ZSCAN5A: variants seen among roughly 807,000 people sequenced by gnomAD.
The protein encoded by ZSCAN5A is zinc finger and SCAN domain containing 5A.
A neutral mutation model predicts 23.7 loss-of-function variants in ZSCAN5A; 12 were observed. That is an observed-to-expected ratio of 0.51 (90% confidence interval 0.32 to 0.82). ZSCAN5A has a LOEUF of 0.82. ZSCAN5A is among the 40% of genes least tolerant of loss of function. ZSCAN5A has a pLI of 0.03. For synonymous variants in ZSCAN5A, 257 were observed against 239.9 expected, an observed-to-expected ratio of 1.07 and a Z score of -0.66; for missense variants, 597 against 617.9, an observed-to-expected ratio of 0.97 and a Z score of 0.36.
In ZSCAN5A at chr19:56,221,904, G is replaced by T; in HGVS notation, c.1162C>A (p.Leu388Ile). Reference sequence around the variant, plus strand: ...AGCTGCATGAAGCGCTTCCCACAGAGATTACATTGAAAGAGTCTCTCGCCT... The same window carrying T: ...AGCTGCATGAAGCGCTTCCCACAGATATTACATTGAAAGAGTCTCTCGCCT... Reference protein sequence around the residue: ...HTGERLFQCNLCGKRFMQLIS... With the variant: ...HTGERLFQCNICGKRFMQLIS... Residue 388 changes from leucine (L) to isoleucine (I), a missense_variant, in exon 6 of 6, where the codon CTC (leucine) becomes ATC (isoleucine). Coordinates refer to ENST00000683990, the MANE Select transcript of ZSCAN5A (RefSeq NM_001322064.3). 1 of 1,614,206 alleles carries T rather than the reference G, an allele frequency of 6.2e-7. No homozygotes were observed. Among genetic ancestry groups the T allele is most frequent in the Non-Finnish European group, 8.5e-7 (1 of 1,180,024 alleles).
At chr19:56,359,976 G>C (rs755184918) in intron 2 of ZSCAN5A, among the ~76,000 whole-genome samples, 1 of 152,114 alleles carries the variant, frequency 6.6e-6, no homozygotes, top group Non-Finnish European at 1.5e-5. Flanking sequence ...CATAGTGAAT[G>C]GGCAAAAGCT....
chr19:56,349,455 G>C (rs1459676810), intron 2 of ZSCAN5A, among the ~76,000 whole-genome samples: 1 of 152,152 alleles, frequency 6.6e-6, no homozygotes, highest in African/African-American at 2.4e-5. Context: ...CCAGCACTTT[G>C]GGAGGCCGAG....
intron 2 of ZSCAN5A, among the ~76,000 whole-genome samples, chr19:56,249,008 C>T (rs2036156370): frequency 6.6e-6 from 1 of 152,130 alleles, no homozygotes; most frequent in South Asian, 2.1e-4. Context: ...GATATTTTCA[C>T]TGCCCCCCCC....
intron 2 of ZSCAN5A, among the ~76,000 whole-genome samples, chr19:56,276,875 C>T (rs953770128): frequency 6.6e-6 from 1 of 151,748 alleles, no homozygotes; most frequent in Non-Finnish European, 1.5e-5. Flanking sequence ...ATTGTAAATT[C>T]AAGGATTTTT....
chr19:56,284,230 T>C (rs2038934379), intron 2 of ZSCAN5A: 1 of 972,702 alleles, frequency 1.0e-6, no homozygotes, highest in Admixed American at 6.2e-5. Context: ...CACTTCACAA[T>C]GCCCCCAGAC....
intron 2 of ZSCAN5A, among the ~76,000 whole-genome samples, chr19:56,291,476 A>C (rs2039505776): frequency 6.6e-6 from 1 of 152,144 alleles, no homozygotes. Flanking sequence ...TTTTTTGGGA[A>C]GATCTGTTTT....
intron 2 of ZSCAN5A, among the ~76,000 whole-genome samples, chr19:56,225,611 C>T (rs895618936): frequency 2.0e-5 from 3 of 152,200 alleles, no homozygotes; most frequent in African/African-American, 7.2e-5. Context: ...AACTCCAGAA[C>T]ATTTACTTGC....
chr19:56,237,138 A>T (rs374260491), intron 2 of ZSCAN5A, among the ~76,000 whole-genome samples: 1 of 152,252 alleles, frequency 6.6e-6, no homozygotes, highest in Admixed American at 6.5e-5. Context: ...AATTGTCTTC[A>T]ATAAACCTGT....
rs112550672 is a variant in ZSCAN5A at position 56,224,995 on chromosome 19, G to A, written c.52C>T (p.Pro18Ser). The A allele has an allele frequency of 5.0e-6, 8 of 1,613,876 alleles. No individual in the cohort carries two copies. In the African/African-American group the frequency reaches 6.7e-5, roughly 13 times the overall value. ...ATAGACCGTGGCAGCTCCAACCCAG[G>A]TCTGTTGCAGGATTCTCCTAGACTC... ...SWSLGESCNR[P>S]GLELPRSMAS... Residue 18 changes from proline to serine, a missense_variant, in exon 3 of 6, where the codon CCT becomes TCT. This residue lies in a region of ZSCAN5A where 72 missense variants were observed against 76.8 expected (regional missense o/e 0.94). Transcript: ENST00000683990.
intron 2 of ZSCAN5A, chr19:56,342,366 T>A: frequency 6.1e-6 from 1 of 162,766 alleles, no homozygotes; most frequent in East Asian, 1.8e-4. Context: ...TATTTTATTT[T>A]GTTTATATCA....
At chr19:56,279,314 G>C (rs78757253) in intron 2 of ZSCAN5A, among the ~76,000 whole-genome samples, 88 of 152,162 alleles carry the variant, frequency 5.8e-4, no homozygotes, top group South Asian at 4.4e-3. Context: ...CTGCAAGACT[G>C]TAAGTTCCTA....
chr19:56,268,118 G>GA, intron 2 of ZSCAN5A, among the ~76,000 whole-genome samples: 1 of 152,302 alleles, frequency 6.6e-6, no homozygotes, highest in East Asian at 1.9e-4. Context: ...CTCTATCTAG[G>GA]ATAGATGTGA....
At chr19:56,256,495 C>A (rs777034461) in intron 2 of ZSCAN5A, among the ~76,000 whole-genome samples, 1 of 152,134 alleles carries the variant, frequency 6.6e-6, no homozygotes, top group Non-Finnish European at 1.5e-5. Context: ...CTGTGCTCAG[C>A]CTGTATTTTT....
At chr19:56,367,041 A>G (rs2147474754) in intron 1 of ZSCAN5A, among the ~76,000 whole-genome samples, 1 of 152,308 alleles carries the variant, frequency 6.6e-6, no homozygotes, top group East Asian at 1.9e-4. Flanking sequence ...CCCCGAGCCG[A>G]AAAAAAGTCA....
At chr19:56,345,967 G>A (rs909236128) in intron 2 of ZSCAN5A, among the ~76,000 whole-genome samples, 2 of 152,050 alleles carry the variant, frequency 1.3e-5, no homozygotes, top group Non-Finnish European at 2.9e-5. Flanking sequence ...GGTTTGATAA[G>A]GAAAAACAGG....
At chr19:56,258,796 A>G (rs758731773) in intron 2 of ZSCAN5A, among the ~76,000 whole-genome samples, 1 of 152,154 alleles carries the variant, frequency 6.6e-6, no homozygotes, top group Non-Finnish European at 1.5e-5. Context: ...TCTCCAACAG[A>G]AAGTGGCAGA....
At position 56,342,775 on chromosome 19, in the gene ZSCAN5A, C is replaced by T. The variant is rs1047346074; in HGVS notation, c.-358+20460G>A. ...CCAAGGCCAACCATCCCCACATACA[C>T]GGAGATACAGAGTACTGAACTGGGA... On this transcript the variant is annotated intron_variant, in intron 2 of 6. Coordinates refer to the ZSCAN5A transcript ENST00000587340. The T allele has an allele frequency of 2.7e-5, 19 of 713,760 alleles. 1 individual carries two copies. Among genetic ancestry groups the T allele is most frequent in the South Asian group, 1.3e-4 (8 of 63,396 alleles). 44.2% of individuals were successfully genotyped at this position (713,760 alleles called of 1,614,324 possible).
upstream of ZSCAN5A, among the ~76,000 whole-genome samples, chr19:56,318,495 C>G (rs973420434): frequency 2.0e-5 from 3 of 152,112 alleles, no homozygotes; most frequent in Admixed American, 1.3e-4. Flanking sequence ...TGAAAACATG[C>G]AGTGTGTGTA....
At chr19:56,320,885 G>C (rs565080945) in intron 2 of ZSCAN5A, 1 of 766,096 alleles carries the variant, frequency 1.3e-6, no homozygotes, top group Admixed American at 1.7e-5. Context: ...GTAGAGTGTG[G>C]GGTTCCAATC....
Sources: allele counts gnomAD v4.1 joint callset (sites outside exome capture counted in the v4.1 genomes callset), GRCh38; gene constraint gnomAD v4.1.1; regional missense constraint gnomAD v4.1.1; transcripts MANE v1.5; gene names NCBI Gene and HGNC (gene_info 2026-07-23, HGNC 2026-07-21).